OSBPL10: variants seen among roughly 807,000 people sequenced by gnomAD.
The protein encoded by OSBPL10 is oxysterol binding protein like 10, also known as oxysterol-binding protein-related protein 10.
Under a neutral mutation model 81.7 loss-of-function variants are expected in OSBPL10, and 49 were observed. The observed-to-expected ratio is 0.60, with a 90% CI of 0.48 to 0.76. The LOEUF is 0.76. Ranked by LOEUF, OSBPL10 falls within the 30% of genes least tolerant of loss-of-function variation. The pLI, the probability that OSBPL10 is intolerant of heterozygous loss-of-function variation, is 0.00. For synonymous variants in OSBPL10, 419 were observed against 383.6 expected (o/e 1.09, Z -1.08); for missense variants, 923 against 987.8 (o/e 0.93, Z 0.88).
At chr3:31,922,800 G>A (rs1696958452) in intron 1 of OSBPL10, among the ~76,000 whole-genome samples, 1 of 152,174 alleles carries the variant, frequency 6.6e-6, no homozygotes, top group Non-Finnish European at 1.5e-5. Context: ...CCGTCTTGCA[G>A]GGGTGGGATT....
intron 6 of OSBPL10, chr3:31,718,701 A>C (rs1185267610): frequency 6.6e-6 from 1 of 152,192 alleles, no homozygotes; most frequent in East Asian, 1.9e-4. Context: ...ATGTCTTTGA[A>C]TTTCTTTTAA....
chr3:31,699,120 C>A (rs967788332), intron 7 of OSBPL10, among the ~76,000 whole-genome samples: 1 of 152,180 alleles, frequency 6.6e-6, no homozygotes, highest in Non-Finnish European at 1.5e-5. Flanking sequence ...TGGTCCTACA[C>A]CTGCAAGCTC....
chr3:31,894,455 T>G (rs116906503), intron 1 of OSBPL10, among the ~76,000 whole-genome samples: 4,199 of 152,298 alleles, frequency 0.028, 278 homozygotes, highest in Admixed American at 0.15. Flanking sequence ...AAAGTGTCAG[T>G]AAGAACTGAA....
Position 32,073,091 on chromosome 3 carries a change from T to C in OSBPL10, n.185+4305A>G, listed in dbSNP as rs116569847. On this transcript the variant is annotated intron_variant and non_coding_transcript_variant, in intron 1 of 3. Transcript: ENST00000479173. ...ATCTTAAAAAGGACTGGACAGTACTTTGACCTTCTGCCCTTCTCAGAATTC... is the reference window on the plus strand; with the variant it reads ...ATCTTAAAAAGGACTGGACAGTACTCTGACCTTCTGCCCTTCTCAGAATTC... Among the ~76,000 whole-genome samples, 1,102 of 152,274 alleles carry C rather than the reference T, an allele frequency of 7.2e-3. 5 individuals are homozygous for C. The highest frequency in any genetic ancestry group is 0.011 in the Non-Finnish European group (730 of 68,014).
At chr3:32,055,021 C>T (rs939193169) in intron 1 of OSBPL10, among the ~76,000 whole-genome samples, 1 of 152,062 alleles carries the variant, frequency 6.6e-6, no homozygotes, top group African/African-American at 2.4e-5. Context: ...AAAAAACTTT[C>T]AGGACTCTCA....
chr3:31,870,378 C>T (rs1444571688), intron 3 of OSBPL10, among the ~76,000 whole-genome samples: 1 of 152,256 alleles, frequency 6.6e-6, no homozygotes, highest in African/African-American at 2.4e-5. Flanking sequence ...GACCTGCAGC[C>T]CGCCATGCCT....
intron 1 of OSBPL10, among the ~76,000 whole-genome samples, chr3:31,885,517 G>C (rs1695707616): frequency 6.6e-6 from 1 of 152,038 alleles, no homozygotes; most frequent in Non-Finnish European, 1.5e-5. Context: ...TGTCTGCACA[G>C]GTACCCATTT....
intron 3 of OSBPL10, among the ~76,000 whole-genome samples, chr3:31,871,145 T>C (rs1701313958): frequency 6.6e-6 from 1 of 152,020 alleles, no homozygotes; most frequent in South Asian, 2.1e-4. Flanking sequence ...CTGTAGAAGG[T>C]TTGTTCTTTC....
At chr3:31,820,002 C>A (rs1699939970) in intron 4 of OSBPL10, among the ~76,000 whole-genome samples, 1 of 152,162 alleles carries the variant, frequency 6.6e-6, no homozygotes, top group African/African-American at 2.4e-5. Context: ...TAAGCCAACT[C>A]CCCCTAATAA....
intron 1 of OSBPL10, among the ~76,000 whole-genome samples, chr3:31,912,396 GA>G (rs11402856): frequency 1.3e-4 from 18 of 142,982 alleles, no homozygotes; most frequent in African/African-American, 2.4e-4. Flanking sequence ...CTCTGTCTCG[GA>G]AAAAAAAAAA....
rs11359502 is a variant in OSBPL10 at position 31,935,514 on chromosome 3, A to AT, written c.281+45384dup. Among the ~76,000 whole-genome samples, 731 of 144,480 alleles carry AT rather than the reference A, an allele frequency of 5.1e-3. 3 individuals are homozygous for AT. Among genetic ancestry groups the AT allele is most frequent in the African/African-American group, 0.013 (517 of 39,512 alleles). The allele number at this position is 144,480 out of a possible 152,430, so 94.8% of individuals were successfully genotyped here. On this transcript the variant is annotated intron_variant, in intron 1 of 11. Transcript: ENST00000396556. ...AAAAAAATCTACTCCTATGAAATAG[A>AT]TTTTTTTTTTTTTTCTTTTTTTTCT...
intron 2 of OSBPL10, among the ~76,000 whole-genome samples, chr3:32,045,379 A>G (rs1699611752): frequency 6.6e-6 from 1 of 152,202 alleles, no homozygotes; most frequent in Non-Finnish European, 1.5e-5. Context: ...GGTGATTATG[A>G]TAAGACTAAA....
chr3:31,960,057 T>C (rs1231918797), intron 1 of OSBPL10: 1 of 152,210 alleles, frequency 6.6e-6, no homozygotes, highest in African/African-American at 2.4e-5. Flanking sequence ...AGGTCTGATG[T>C]ACTCCATGGA....
At chr3:31,692,499 A>C (rs1471786487) in intron 7 of OSBPL10, among the ~76,000 whole-genome samples, 1 of 152,150 alleles carries the variant, frequency 6.6e-6, no homozygotes, top group Non-Finnish European at 1.5e-5. Flanking sequence ...CAATGTTGAA[A>C]GCTAAAATGA....
At chr3:31,716,074 C>A (rs567787749) in intron 6 of OSBPL10, among the ~76,000 whole-genome samples, 9 of 152,156 alleles carry the variant, frequency 5.9e-5, no homozygotes, top group Non-Finnish European at 1.3e-4. Flanking sequence ...ACTGTGGTCC[C>A]TGGACCTGCA....
At chr3:31,824,597 GA>G (rs1363935361) in intron 4 of OSBPL10, among the ~76,000 whole-genome samples, 3 of 152,158 alleles carry the variant, frequency 2.0e-5, no homozygotes, top group African/African-American at 7.2e-5. Flanking sequence ...TGATGCCTTG[GA>G]CTAGGTTCTC....
intron 1 of OSBPL10, among the ~76,000 whole-genome samples, chr3:32,074,281 C>T (rs57483950): frequency 1.2e-3 from 183 of 152,266 alleles, no homozygotes; most frequent in African/African-American, 4.2e-3. Flanking sequence ...GCACCTTTCT[C>T]CTTATGTCAA....
At chr3:31,963,641 C>T (rs1208050409) in intron 1 of OSBPL10, among the ~76,000 whole-genome samples, 1 of 152,110 alleles carries the variant, frequency 6.6e-6, no homozygotes, top group African/African-American at 2.4e-5. Flanking sequence ...GGACTCCAGG[C>T]AGAAGAAAAT....
intron 10 of OSBPL10, among the ~76,000 whole-genome samples, chr3:31,665,349 T>C (rs1472694722): frequency 6.6e-6 from 1 of 152,188 alleles, no homozygotes; most frequent in Non-Finnish European, 1.5e-5. Flanking sequence ...CCCTGGCTTC[T>C]AGAAAATGAG....
Sources: gnomAD v4.1 joint callset for allele counts (sites outside exome capture counted in the v4.1 genomes callset) on GRCh38, gnomAD v4.1.1 for gene constraint, MANE v1.5 for transcripts, NCBI Gene and HGNC (gene_info 2026-07-23, HGNC 2026-07-21) for gene names.